Variants in OSBPL3 observed in about 807,000 individuals in gnomAD.
OSBPL3 encodes the protein oxysterol binding protein like 3.
Under a neutral mutation model 120.1 loss-of-function variants are expected in OSBPL3, and 65 were observed. The observed-to-expected ratio is 0.54, with a 90% CI of 0.44 to 0.67. The LOEUF (loss-of-function observed/expected upper bound fraction) is 0.67, where lower values mean the gene tolerates loss of function less well. Ranked by LOEUF, OSBPL3 falls within the 30% of genes least tolerant of loss-of-function variation. OSBPL3 has a pLI of 0.00. For synonymous variants in OSBPL3, 416 were observed against 402.6 expected, an observed-to-expected ratio of 1.03 and a Z score of -0.40; for missense variants, 1,004 against 1,082.1, an observed-to-expected ratio of 0.93 and a Z score of 1.01.
intron 1 of OSBPL3, among the ~76,000 whole-genome samples, chr7:24,905,788 C>T (rs978031553): frequency 5.9e-5 from 9 of 152,138 alleles, no homozygotes; most frequent in Non-Finnish European, 1.0e-4. Flanking sequence ...CTCAGCACTT[C>T]GGGAGGCCGA....
chr7:24,845,437 TTGTGTGTATGTGTGTG>T (rs145539870), intron 12 of OSBPL3, among the ~76,000 whole-genome samples: 10,320 of 141,548 alleles, frequency 0.073, 805 homozygotes, highest in African/African-American at 0.2. Context: ...CTATCTGTAT[TTGTGTGTATGTGTGTG>T]TGTGTGTATG....
chr7:24,858,222 CA>C (rs1800069942), intron 10 of OSBPL3, among the ~76,000 whole-genome samples: 1 of 152,210 alleles, frequency 6.6e-6, no homozygotes, highest in Admixed American at 6.5e-5. Context: ...ATGCATTTAA[CA>C]AGGTGAAGGT....
chr7:24,907,665 G>A (rs539696441), intron 1 of OSBPL3, among the ~76,000 whole-genome samples: 8 of 152,158 alleles, frequency 5.3e-5, no homozygotes, highest in South Asian at 2.1e-4. Context: ...TCCATCTTCC[G>A]AAGATCACTT....
At chr7:24,878,131 C>T (rs150085165) in intron 2 of OSBPL3, among the ~76,000 whole-genome samples, 3 of 152,326 alleles carry the variant, frequency 2.0e-5, no homozygotes, top group African/African-American at 7.2e-5. Flanking sequence ...CATGCTCATG[C>T]GCTGGCCAAG....
chr7:24,816,559 A>T, intron 18 of OSBPL3, 51 bp downstream of exon 18: 1 of 1,330,622 alleles, frequency 7.5e-7, no homozygotes, highest in Non-Finnish European at 1.1e-6. Context: ...CCAAAGCAAA[A>T]TCTTGGCCCT....
intron 1 of OSBPL3, among the ~76,000 whole-genome samples, chr7:24,975,206 G>A (rs781447724): frequency 2.0e-5 from 3 of 152,064 alleles, no homozygotes; most frequent in Non-Finnish European, 4.4e-5. Flanking sequence ...CATAACATAG[G>A]CAAAATATTT....
At chr7:24,980,519 T>G (rs1818216927), upstream of OSBPL3, among the ~76,000 whole-genome samples, 1 of 151,176 alleles carries the variant, frequency 6.6e-6, no homozygotes, top group African/African-American at 2.4e-5. Context: ...GTTCCTCTAG[T>G]GGCTTTTCCG....
rs1224250162 is a variant in OSBPL3 at position 24,852,575 on chromosome 7, G to C, written c.1087C>G (p.Gln363Glu). The C allele has an allele frequency of 1.2e-6, 2 of 1,610,346 alleles. No homozygotes were observed. The change falls in exon 11 of 23, where the codon CAG becomes GAG. Residue 363 changes from glutamine to glutamate, a missense_variant. Coordinates refer to ENST00000313367, the MANE Select transcript of OSBPL3 (RefSeq NM_015550.4). The surrounding 1 kb of genome is among the most constrained non-coding windows in gnomAD (Gnocchi z 4.1). The part of the protein sequence containing the change: ...IMSAEREKLK[Q>E]LMEQDASSSP... ...GAGGAGGCATCCTGCTCCATCAGCT[G>C]CTTCAGTTTCTCTCTCTCCGCTGAC...
At chr7:24,909,783 C>CTTTTTTTTTTTTTTTT (rs10591188) in intron 1 of OSBPL3, among the ~76,000 whole-genome samples, 9 of 77,292 alleles carry the variant, frequency 1.2e-4, no homozygotes, top group African/African-American at 2.2e-4. Context: ...TTTTTTCTTT[C>CTTTTTTTTTTTTTTTT]TTTTTTTTTT....
Position 24,946,089 on chromosome 7 carries a change from C to A in OSBPL3, c.-150+33797G>T, listed in dbSNP as rs951360939. 1.3e-5 allele frequency among the ~76,000 whole-genome samples: 2 copies of A among 152,060 alleles called. No individual in the cohort carries two copies. Among genetic ancestry groups the A allele is most frequent in the African/African-American group, 4.8e-5 (2 of 41,398 alleles). On this transcript the variant is annotated intron_variant, in intron 1 of 22. Coordinates refer to ENST00000313367, the MANE Select transcript of OSBPL3 (RefSeq NM_015550.4). The surrounding 1 kb of genome is among the most constrained non-coding windows in gnomAD (Gnocchi z 4.3). ...CTGAAGGCTCAGCTGGGTAGGTGTC[C>A]TAGGTGGCTCCCTCCCAAGGCTGGT...
Position 24,912,795 on chromosome 7 carries a change from A to G in OSBPL3, c.-149-20174T>C, listed in dbSNP as rs1451253999. The stretch of plus-strand genomic sequence containing the variant: ...AAAGTGACCGTGACACTTCTTCATC[A>G]ATAGATGGCTTCTATATTCCCATCC... On this transcript the variant is annotated intron_variant, in intron 1 of 22. Coordinates refer to ENST00000313367, the MANE Select transcript of OSBPL3 (RefSeq NM_015550.4). This position sits in a 1 kb window ranked among gnomAD's most constrained non-coding sequence, Gnocchi z 4.5. Among the ~76,000 whole-genome samples the G allele has an allele frequency of 6.6e-6, 1 of 152,230 alleles. No individual in the cohort carries two copies. Among genetic ancestry groups the G allele is most frequent in the Non-Finnish European group, 1.5e-5 (1 of 68,042 alleles).
chr7:24,976,055 T>C (rs1817551317), intron 1 of OSBPL3, among the ~76,000 whole-genome samples: 2 of 152,230 alleles, frequency 1.3e-5, no homozygotes, highest in South Asian at 2.1e-4. Context: ...GGAATCTATA[T>C]GCAAATAAGT....
intron 2 of OSBPL3, among the ~76,000 whole-genome samples, chr7:24,880,299 C>T (rs879449210): frequency 1.3e-5 from 2 of 152,086 alleles, no homozygotes; most frequent in Non-Finnish European, 2.9e-5. Context: ...TGAGATCCCA[C>T]GCAGAACCTC....
intron 1 of OSBPL3, among the ~76,000 whole-genome samples, chr7:24,923,193 A>G (rs1304856750): frequency 1.3e-5 from 2 of 152,216 alleles, no homozygotes; most frequent in African/African-American, 2.4e-5. Context: ...GAGCCCAAGC[A>G]TGCCTGTTGA....
chr7:24,942,745 T>C (rs1434694997), intron 1 of OSBPL3, among the ~76,000 whole-genome samples: 2 of 152,202 alleles, frequency 1.3e-5, no homozygotes, highest in Non-Finnish European at 2.9e-5. Context: ...CAGCAGGGCC[T>C]AGAGCAGCAC....
chr7:24,979,289 C>CA (rs34525401), intron 1 of OSBPL3, among the ~76,000 whole-genome samples: 64,442 of 148,050 alleles, frequency 0.44, 14,044 homozygotes, highest in South Asian at 0.52. Flanking sequence ...TGGAAACTAA[C>CA]AAAAAAAAAA....
intron 14 of OSBPL3, among the ~76,000 whole-genome samples, chr7:24,838,961 C>A (rs1797352604): frequency 6.6e-6 from 1 of 152,202 alleles, no homozygotes. Flanking sequence ...ATACCAACCA[C>A]GATGAGCATC....
chr7:24,805,040 A>G lies in OSBPL3; in HGVS notation c.2445-603T>C, dbSNP rs1479839418. ...AATCATTTTAATGTGACAATGCCGC[A>G]ATAAATGACCTTGTATATCCATCAT... is the stretch of plus-strand genomic sequence containing the variant. On this transcript the variant is annotated intron_variant, in intron 21 of 22. Coordinates refer to ENST00000313367, the MANE Select transcript of OSBPL3 (RefSeq NM_015550.4). This position sits in a 1 kb window ranked among gnomAD's most constrained non-coding sequence, Gnocchi z 4.0. Among the ~76,000 whole-genome samples the G allele has an allele frequency of 6.6e-6, 1 of 152,244 alleles. No individual in the cohort carries two copies. The highest frequency in any genetic ancestry group is 1.5e-5 in the Non-Finnish European group (1 of 68,038).
Position 24,872,212 on chromosome 7 carries a change from T to C in OSBPL3, c.97-143A>G. 1 of 637,486 alleles carries C rather than the reference T, an allele frequency of 1.6e-6. No individual in the cohort carries two copies. Among genetic ancestry groups the C allele is most frequent in the Non-Finnish European group, 2.8e-6 (1 of 356,962 alleles). The allele number at this position is 637,486 out of a possible 1,614,324, so 39.5% of individuals were successfully genotyped here. On this transcript the variant is annotated intron_variant, in intron 2 of 22. Coordinates refer to ENST00000313367, the MANE Select transcript of OSBPL3 (RefSeq NM_015550.4). This position sits in a 1 kb window ranked among gnomAD's most constrained non-coding sequence, Gnocchi z 4.1. ...GGGGAGAAGAAATCCAAATTTAATT[T>C]CCATACAGTCCCTGGGCTTCACAGA...
Sources: gnomAD v4.1 joint callset for allele counts (sites outside exome capture counted in the v4.1 genomes callset) on GRCh38, gnomAD v4.1.1 for gene constraint, Gnocchi (gnomAD v3.1) non-coding constraint, MANE v1.5 for transcripts, NCBI Gene and HGNC (gene_info 2026-07-23, HGNC 2026-07-21) for gene names.